Variants in GDPD5 observed in about 807,000 individuals in gnomAD.
GDPD5 encodes the protein glycerophosphodiester phosphodiesterase 2.
A neutral mutation model predicts 75.1 loss-of-function variants in GDPD5; 48 were observed. That is an observed-to-expected ratio of 0.64 (90% CI 0.51 to 0.81). The LOEUF is 0.81. Among genes scored for constraint, GDPD5 ranks in the 40% least tolerant of loss-of-function variants. GDPD5 has a pLI of 0.00. For missense variants in GDPD5, 706 were observed against 822.6 expected (o/e 0.86, Z 1.73); for synonymous variants, 336 against 339.0 (o/e 0.99, Z 0.10).
intron 1 of GDPD5, among the ~76,000 whole-genome samples, chr11:75,499,394 CTTTTTTT>C (rs376714511): frequency 2.2e-5 from 1 of 45,316 alleles, no homozygotes; most frequent in African/African-American, 4.4e-5. Flanking sequence ...TCTTCTTTTC[CTTTTTTT>C]TTTTTTTTTT....
intron 2 of GDPD5, among the ~76,000 whole-genome samples, chr11:75,478,226 T>C (rs1949822200): frequency 6.6e-6 from 1 of 152,236 alleles, no homozygotes; most frequent in African/African-American, 2.4e-5. Context: ...CTCGGCTCAC[T>C]GCAACCTCTG....
chr11:75,439,740 C>T (rs1295795315), intron 15 of GDPD5, 139 bp downstream of exon 15: 3 of 706,356 alleles, frequency 4.2e-6, no homozygotes, highest in Non-Finnish European at 7.5e-6. Flanking sequence ...GATGGGGCCA[C>T]CGGAGTCCGT....
rs909003448 is a variant in GDPD5, at chr11:75,477,351, G to A, written c.117+268C>T. Among the ~76,000 whole-genome samples, 7 of 152,382 alleles carry A rather than the reference G, an allele frequency of 4.6e-5. No homozygotes were observed. The South Asian group carries it at 1.4e-3, about 32-fold the overall frequency. ...TGAGAACTTCTGCTCACCTTGGGGT[G>A]ACCCTTCCCTTCTAGAGGAGCCCAA... On this transcript the variant is annotated intron_variant, in intron 3 of 16. Transcript: ENST00000336898.
At chr11:75,485,697 T>C (rs1348902871) in intron 2 of GDPD5, 1 of 152,198 alleles carries the variant, frequency 6.6e-6, no homozygotes, top group Non-Finnish European at 1.5e-5. Flanking sequence ...CCTGTTCACG[T>C]TTCTATCACC....
At chr11:75,511,838 C>T (rs1024286242) in intron 1 of GDPD5, among the ~76,000 whole-genome samples, 1 of 152,228 alleles carries the variant, frequency 6.6e-6, no homozygotes, top group Non-Finnish European at 1.5e-5. Flanking sequence ...TGAGTTCCAA[C>T]TGTGACTTTG....
chr11:75,497,987 T>A (rs866259705), intron 1 of GDPD5, among the ~76,000 whole-genome samples: 1 of 151,856 alleles, frequency 6.6e-6, no homozygotes, highest in Non-Finnish European at 1.5e-5. Context: ...GTTACAAACA[T>A]AGGGCACTGA....
chr11:75,474,722 G>A (rs1162591247), intron 3 of GDPD5, among the ~76,000 whole-genome samples: 3 of 152,118 alleles, frequency 2.0e-5, no homozygotes, highest in Non-Finnish European at 2.9e-5. Flanking sequence ...CTCTCTCCAC[G>A]CACCCTCTCC....
At chr11:75,457,903 G>A (rs1172830692) in intron 4 of GDPD5, 117 bp from the exon 5 acceptor site, 1 of 709,786 alleles carries the variant, frequency 1.4e-6, no homozygotes. Context: ...ACCAGGCTGT[G>A]CCCACCTAGC....
chr11:75,463,123 C>A (rs577581571), intron 3 of GDPD5, among the ~76,000 whole-genome samples: 1 of 152,230 alleles, frequency 6.6e-6, no homozygotes, highest in Non-Finnish European at 1.5e-5. Context: ...AGGGCCTCCC[C>A]CCCTGGGGCT....
At chr11:75,473,935 G>A (rs1381550722) in intron 3 of GDPD5, among the ~76,000 whole-genome samples, 1 of 152,202 alleles carries the variant, frequency 6.6e-6, no homozygotes, top group Non-Finnish European at 1.5e-5. Flanking sequence ...TCCCCCACAA[G>A]CCTGGGGGCC....
rs1948793453 is a variant in GDPD5 at position 75,441,315 on chromosome 11, G to T, written c.1326-5C>A. ...AGGTTCCAGGACGCGTAGTCCCTGT[G>T]GGGCAGGGGAGAGGCAGGTCAGCAT... On this transcript the variant is annotated splice_polypyrimidine_tract_variant and splice_region_variant and intron_variant, in intron 13 of 16. Transcript: ENST00000336898. 6.2e-7 allele frequency: 1 copy of T among 1,614,010 alleles called. No homozygotes were observed. The highest frequency in any genetic ancestry group is 8.5e-7 in the Non-Finnish European group (1 of 1,180,018).
intron 15 of GDPD5, chr11:75,439,392 G>A (rs1948723455): frequency 2.2e-6 from 1 of 456,358 alleles, no homozygotes; most frequent in Non-Finnish European, 4.4e-6. Flanking sequence ...GAGGGGGAGG[G>A]GGAGAGAGGA....
chr11:75,468,684 C>G (rs1009433704), intron 3 of GDPD5, among the ~76,000 whole-genome samples: 8 of 152,124 alleles, frequency 5.3e-5, no homozygotes, highest in South Asian at 2.1e-4. Context: ...CCGACGCCCC[C>G]CCCCCGGGAG....
chr11:75,479,255 A>G (rs1949850215), intron 2 of GDPD5: 1 of 152,248 alleles, frequency 6.6e-6, no homozygotes, highest in Non-Finnish European at 1.5e-5. Flanking sequence ...TGGGGCTCAG[A>G]GCAGAGAAAC....
At position 75,492,904 on chromosome 11, in the gene GDPD5, A is replaced by G. The variant is rs376594948; in HGVS notation, c.-144-2584T>C. ...CACACCCCACCCAGCTAATTTTTGT[A>G]TTTTTAGTAGAGACGAGGTTTCACC... is the stretch of plus-strand genomic sequence containing the variant. On this transcript the variant is annotated intron_variant, in intron 1 of 16. Coordinates refer to ENST00000336898, the MANE Select transcript of GDPD5 (RefSeq NM_030792.8). Among the ~76,000 whole-genome samples, 214 of 151,936 alleles carry G rather than the reference A, an allele frequency of 1.4e-3. 7 individuals carry two copies. In the South Asian group the frequency reaches 0.044, roughly 31 times the overall value.
In GDPD5 at chr11:75,443,351, C is replaced by T. The variant is rs1301793804; in HGVS notation, c.798-65G>A. On this transcript the variant is annotated intron_variant, in intron 10 of 16. Transcript: ENST00000336898. Reference sequence around the variant, plus strand: ...GATCCTTTACCTGCCCACCAATGATCGTCACCCCACACAGTCCTCCCCACC... The same window carrying T: ...GATCCTTTACCTGCCCACCAATGATTGTCACCCCACACAGTCCTCCCCACC... 5.9e-6 allele frequency: 9 copies of T among 1,524,286 alleles called. No homozygotes were observed. In the African/African-American group the frequency reaches 6.8e-5, roughly 12 times the overall value. 94.4% of individuals were successfully genotyped at this position (1,524,286 alleles called of 1,614,324 possible).
At chr11:75,482,103 T>C (rs963294565) in intron 2 of GDPD5, among the ~76,000 whole-genome samples, 2 of 152,110 alleles carry the variant, frequency 1.3e-5, no homozygotes, top group African/African-American at 4.8e-5. Context: ...AATTCCCACA[T>C]GTCCTCTGCC....
chr11:75,465,230 C>T (rs1229183981), intron 3 of GDPD5, among the ~76,000 whole-genome samples: 2 of 152,208 alleles, frequency 1.3e-5, no homozygotes, highest in African/African-American at 4.8e-5. Flanking sequence ...GTGCTTTATG[C>T]CCCATGCACA....
intron 1 of GDPD5, among the ~76,000 whole-genome samples, chr11:75,522,165 T>C (rs1941485638): frequency 6.6e-6 from 1 of 152,116 alleles, no homozygotes; most frequent in African/African-American, 2.4e-5. Context: ...GGCACCCCCT[T>C]GTTGAGTGCC....
Sources: allele counts gnomAD v4.1 joint callset (sites outside exome capture counted in the v4.1 genomes callset), GRCh38; gene constraint gnomAD v4.1.1; transcripts MANE v1.5; gene names NCBI Gene and HGNC (gene_info 2026-07-23, HGNC 2026-07-21).